FAM222B: variants seen among roughly 807,000 people sequenced by gnomAD.
FAM222B encodes the protein family with sequence similarity 222 member B.
FAM222B carries 12 observed loss-of-function variants against 38.0 expected under a neutral mutation model. The observed-to-expected ratio is 0.32, with a 90% CI of 0.20 to 0.51. The LOEUF is 0.51. FAM222B is among the 20% of genes least tolerant of loss of function. The probability of loss-of-function intolerance (pLI) is 0.97; values close to 1 mark genes in which losing one functional copy is unlikely to be tolerated. For synonymous variants in FAM222B, 329 were observed against 317.2 expected, an observed-to-expected ratio of 1.04 and a Z score of -0.40; for missense variants, 716 against 754.2, an observed-to-expected ratio of 0.95 and a Z score of 0.59.
At chr17:28,840,450 G>T (rs975118355) in intron 1 of FAM222B, among the ~76,000 whole-genome samples, 2 of 152,020 alleles carry the variant, frequency 1.3e-5, no homozygotes, top group South Asian at 4.1e-4. Flanking sequence ...TAAAAAACAC[G>T]TCTCAGGAGT....
At chr17:28,784,970 G>A (rs1374427713) in intron 1 of FAM222B, among the ~76,000 whole-genome samples, 1 of 151,512 alleles carries the variant, frequency 6.6e-6, no homozygotes, top group Non-Finnish European at 1.5e-5. Context: ...TTCCCAGGCT[G>A]GTCTTAAACT....
At chr17:28,774,066 T>A (rs1470589645) in intron 1 of FAM222B, among the ~76,000 whole-genome samples, 1 of 151,994 alleles carries the variant, frequency 6.6e-6, no homozygotes, top group Non-Finnish European at 1.5e-5. Context: ...GGCGGCTGAG[T>A]GGAGGCATTT....
chr17:28,758,527 C>A lies in FAM222B; in HGVS notation c.1432G>T (p.Gly478Trp), dbSNP rs756846462. ...TCGAGGGGTGCACCTGTGGGCTGCC[C>A]ACCGTGGAACGGCATGGCAAGGTCC... is the stretch of plus-strand genomic sequence containing the variant. ...SQDLAMPFHG[G>W]QPTGAPLDCA... The change falls in exon 3 of 3, where the codon GGG becomes TGG. Residue 478 changes from glycine to tryptophan, a missense_variant. Transcript: ENST00000581407. 1.1e-5 allele frequency: 17 copies of A among 1,611,070 alleles called. No homozygotes were observed. Among genetic ancestry groups the A allele is most frequent in the Non-Finnish European group, 1.4e-5 (16 of 1,179,834 alleles).
chr17:28,761,901 ACTC>A (rs1384698474), intron 2 of FAM222B: 1 of 151,882 alleles, frequency 6.6e-6, no homozygotes, highest in African/African-American at 2.4e-5. Context: ...CTCATATAAT[ACTC>A]CTAGCACAGT....
At chr17:28,784,528 A>G in intron 1 of FAM222B, among the ~76,000 whole-genome samples, 1 of 139,284 alleles carries the variant, frequency 7.2e-6, no homozygotes, top group East Asian at 2.1e-4. Context: ...AAAAAAAAAA[A>G]AAAGGCAATA....
intron 1 of FAM222B, among the ~76,000 whole-genome samples, chr17:28,790,773 A>T (rs2036624424): frequency 6.6e-6 from 1 of 152,048 alleles, no homozygotes. Flanking sequence ...GGAAATACTA[A>T]AGTATTCAAG....
intron 1 of FAM222B, among the ~76,000 whole-genome samples, chr17:28,797,044 C>G (rs971220682): frequency 6.8e-6 from 1 of 146,988 alleles, no homozygotes; most frequent in Non-Finnish European, 1.5e-5. Flanking sequence ...GCTCTGTCAC[C>G]CAGGCTAGAG....
chr17:28,790,888 T>TTTTTTTTTTC (rs2036641869), intron 1 of FAM222B, among the ~76,000 whole-genome samples: 1 of 78,996 alleles, frequency 1.3e-5, no homozygotes, highest in African/African-American at 4.6e-5. Context: ...GTTTCACTTT[T>TTTTTTTTTTC]TTTTTTTTTT....
intron 1 of FAM222B, among the ~76,000 whole-genome samples, chr17:28,784,627 G>A (rs111725018): frequency 2.7e-5 from 4 of 150,144 alleles, no homozygotes; most frequent in South Asian, 2.1e-4. Flanking sequence ...TCAGGAGATC[G>A]AGACCATCCT....
intron 1 of FAM222B, chr17:28,767,029 G>A (rs1438102976): frequency 5.1e-6 from 1 of 197,118 alleles, no homozygotes; most frequent in Non-Finnish European, 1.0e-5. Context: ...GGCCCTCATA[G>A]GGCCTGGCTC....
chr17:28,846,918 C>A (rs1036224176), upstream of FAM222B, among the ~76,000 whole-genome samples: 2 of 151,930 alleles, frequency 1.3e-5, no homozygotes, highest in African/African-American at 4.8e-5. Context: ...GAGACTCTGT[C>A]TCTGCAAAAG....
intron 1 of FAM222B, among the ~76,000 whole-genome samples, chr17:28,836,290 A>T (rs950503165): frequency 6.6e-6 from 1 of 151,518 alleles, no homozygotes; most frequent in African/African-American, 2.4e-5. Flanking sequence ...GCCTGGCCCT[A>T]AATCACTTCT....
At chr17:28,822,843 A>G (rs1174374697) in intron 1 of FAM222B, among the ~76,000 whole-genome samples, 7 of 98,350 alleles carry the variant, frequency 7.1e-5, no homozygotes, top group Non-Finnish European at 1.1e-4. Context: ...ATATATATAT[A>G]TATATATATA....
chr17:28,843,442 CTTT>C (rs1161514672), upstream of FAM222B, among the ~76,000 whole-genome samples: 3 of 86,998 alleles, frequency 3.4e-5, no homozygotes, highest in East Asian at 7.4e-4. Context: ...CAGCCTGGGT[CTTT>C]TTTTTTTTTT....
intron 1 of FAM222B, among the ~76,000 whole-genome samples, chr17:28,834,094 T>C (rs2038759724): frequency 6.6e-6 from 1 of 152,166 alleles, no homozygotes; most frequent in African/African-American, 2.4e-5. Context: ...ATCCTTTTAG[T>C]TACTCTCCTA....
At chr17:28,853,941 C>CTTTT (rs34393247) in intron 1 of FAM222B, among the ~76,000 whole-genome samples, 8 of 119,970 alleles carry the variant, frequency 6.7e-5, no homozygotes, top group East Asian at 2.5e-4. Flanking sequence ...ATCTCTGTTT[C>CTTTT]TTTTTTTTTT....
At chr17:28,760,512 G>A (rs1474852373) in intron 2 of FAM222B, among the ~76,000 whole-genome samples, 6 of 152,050 alleles carry the variant, frequency 3.9e-5, no homozygotes, top group Non-Finnish European at 7.4e-5. Context: ...CCCAGGAGGC[G>A]GAGGTTGCAG....
chr17:28,837,408 C>G (rs922934039), intron 1 of FAM222B, among the ~76,000 whole-genome samples: 1 of 147,190 alleles, frequency 6.8e-6, no homozygotes, highest in South Asian at 2.1e-4. Context: ...CCAGCCTGGG[C>G]GACCGAGGGA....
intron 1 of FAM222B, among the ~76,000 whole-genome samples, chr17:28,836,612 C>G (rs886170331): frequency 1.3e-5 from 2 of 151,990 alleles, no homozygotes; most frequent in Admixed American, 6.6e-5. Context: ...ATTGAGCAAG[C>G]AGGGGGTACG....
Sources: allele counts gnomAD v4.1 joint callset (sites outside exome capture counted in the v4.1 genomes callset), GRCh38; gene constraint gnomAD v4.1.1; transcripts MANE v1.5; gene names NCBI Gene and HGNC (gene_info 2026-07-23, HGNC 2026-07-21).